ARID3B: variants seen among roughly 807,000 people sequenced by gnomAD.
ARID3B encodes the protein AT-rich interaction domain 3B.
ARID3B carries 10 observed loss-of-function variants against 51.9 expected under a neutral mutation model. The ratio of observed to expected loss-of-function variants is 0.19; its 90% CI spans 0.12 to 0.33. The LOEUF (loss-of-function observed/expected upper bound fraction) is 0.33. Among genes scored for constraint, ARID3B ranks in the 10% least tolerant of loss-of-function variants. The pLI, the probability that ARID3B is intolerant of heterozygous loss-of-function variation, is 1.00. For synonymous variants in ARID3B, 205 were observed against 279.5 expected (o/e 0.73, Z 2.66); for missense variants, 483 against 716.3 (o/e 0.67, Z 3.72).
chr15:74,563,297 G>C (rs2061685959), intron 2 of ARID3B, among the ~76,000 whole-genome samples: 1 of 152,168 alleles, frequency 6.6e-6, no homozygotes, highest in African/African-American at 2.4e-5. Flanking sequence ...GAAGCCTTAG[G>C]AGAAGCTCTG....
chr15:74,588,236 A>T (rs906719125), intron 4 of ARID3B, among the ~76,000 whole-genome samples: 7 of 130,592 alleles, frequency 5.4e-5, no homozygotes, highest in East Asian at 2.1e-4. Flanking sequence ...CCTATCTTTT[A>T]AAAAAAAAAA....
intron 8 of ARID3B, among the ~76,000 whole-genome samples, chr15:74,594,145 T>C (rs1243232829): frequency 6.6e-6 from 1 of 152,054 alleles, no homozygotes; most frequent in Non-Finnish European, 1.5e-5. Flanking sequence ...CAAGCCCACC[T>C]GACTCTTGTT....
intron 4 of ARID3B, among the ~76,000 whole-genome samples, chr15:74,575,184 A>G (rs976020563): frequency 1.3e-5 from 2 of 152,062 alleles, no homozygotes; most frequent in African/African-American, 2.4e-5. Context: ...TCCTGTCTCA[A>G]AGGGGCTGCC....
chr15:74,551,343 T>C (rs952179053), intron 2 of ARID3B, among the ~76,000 whole-genome samples: 1 of 152,234 alleles, frequency 6.6e-6, no homozygotes, highest in Admixed American at 6.5e-5. Context: ...GCTTAAACCA[T>C]GGCGCTTCTG....
In ARID3B at chr15:74,559,625, G is replaced by C. The variant is rs112591686; in HGVS notation, c.553-13237G>C. ...GCTGGCTAGTGAACCCAGGTGGTCT[G>C]ACTTCTAGCTCCATATTCCCTCTTG... On this transcript the variant is annotated intron_variant, in intron 2 of 8. Transcript: ENST00000346246. Among the ~76,000 whole-genome samples, 161 of 152,268 alleles carry C rather than the reference G, an allele frequency of 1.1e-3. 1 individual carries two copies. Among genetic ancestry groups the C allele is most frequent in the African/African-American group, 3.2e-3 (133 of 41,548 alleles).
rs2061826611 is a variant in ARID3B at position 74,596,656 on chromosome 15, G to T, written c.*882G>T. On this transcript the variant is annotated 3_prime_UTR_variant, in exon 9 of 9. Transcript: ENST00000346246. The stretch of plus-strand genomic sequence containing the variant: ...TCAGCCCTCTTCTATTTCTTATGGG[G>T]CCATCTTGGCCTCACCATCCCCACA... 1 of 233,510 alleles carries T rather than the reference G, an allele frequency of 4.3e-6. No homozygotes were observed. Among genetic ancestry groups the T allele is most frequent in the South Asian group, 1.8e-4 (1 of 5,538 alleles). 14.5% of individuals were successfully genotyped at this position (233,510 alleles called of 1,614,324 possible).
At chr15:74,594,253 C>T (rs752827496) in intron 8 of ARID3B, among the ~76,000 whole-genome samples, 3 of 152,100 alleles carry the variant, frequency 2.0e-5, no homozygotes, top group Admixed American at 6.5e-5. Flanking sequence ...TCGAGACCAT[C>T]CTGGCTAACA....
intron 2 of ARID3B, among the ~76,000 whole-genome samples, chr15:74,560,758 G>C (rs2061676750): frequency 6.6e-6 from 1 of 152,156 alleles, no homozygotes; most frequent in African/African-American, 2.4e-5. Flanking sequence ...ATGTGAGTGT[G>C]AATGTACTTG....
chr15:74,597,347 C>T lies in ARID3B; in HGVS notation c.*1573C>T, dbSNP rs2061831522. On this transcript the variant is annotated 3_prime_UTR_variant, in exon 9 of 9. Transcript: ENST00000346246. ...TGGCAGTGGGAGACACCGCGCGTGG[C>T]GTGGGTGTGTGTGGCAGCGTGGCTC... 3 of 421,564 alleles carry T rather than the reference C, an allele frequency of 7.1e-6. No homozygotes were observed. The highest frequency in any genetic ancestry group is 2.3e-5 in the South Asian group (1 of 43,738). 26.1% of individuals were successfully genotyped at this position (421,564 alleles called of 1,614,324 possible). A position where few individuals can be genotyped will look rare whatever the true frequency, so the allele number is the denominator to read the frequency against.
chr15:74,582,770 C>T (rs774554239), intron 4 of ARID3B, among the ~76,000 whole-genome samples: 2 of 152,258 alleles, frequency 1.3e-5, no homozygotes, highest in South Asian at 4.1e-4. Flanking sequence ...CTGAAAGATA[C>T]AGGTAAGCAT....
intron 2 of ARID3B, among the ~76,000 whole-genome samples, chr15:74,567,542 C>T (rs976388642): frequency 8.6e-5 from 13 of 151,888 alleles, no homozygotes; most frequent in African/African-American, 3.1e-4. Context: ...GTCTTTGCTT[C>T]TCAGGACAGA....
At chr15:74,585,941 A>G (rs1000515889) in intron 4 of ARID3B, among the ~76,000 whole-genome samples, 1 of 152,242 alleles carries the variant, frequency 6.6e-6, no homozygotes. Context: ...AGCCCTCGGC[A>G]TAGCCTCCGC....
At chr15:74,584,207 A>G (rs1314324785) in intron 4 of ARID3B, among the ~76,000 whole-genome samples, 3 of 152,180 alleles carry the variant, frequency 2.0e-5, no homozygotes, top group African/African-American at 7.2e-5. Flanking sequence ...AGTTGCCAGT[A>G]TCTGTTGTGA....
chr15:74,560,782 A>C (rs976767462), intron 2 of ARID3B, among the ~76,000 whole-genome samples: 6 of 152,170 alleles, frequency 3.9e-5, no homozygotes, highest in Non-Finnish European at 7.4e-5. Flanking sequence ...ATGTGTGTGT[A>C]GTATGTGTAA....
At position 74,595,942 on chromosome 15, in the gene ARID3B, C is replaced by T; in HGVS notation, c.*168C>T. Reference sequence around the variant, plus strand: ...CAGGCTCCATTCAGGTCCTGCTGTACTCTGGGGGCAGGGAGAGGCTAGAGG... The same window carrying T: ...CAGGCTCCATTCAGGTCCTGCTGTATTCTGGGGGCAGGGAGAGGCTAGAGG... On this transcript the variant is annotated 3_prime_UTR_variant, in exon 9 of 9. Coordinates refer to ENST00000346246, the MANE Select transcript of ARID3B (RefSeq NM_006465.4). 1.3e-6 allele frequency: 1 copy of T among 792,116 alleles called. No individual in the cohort carries two copies. The highest frequency in any genetic ancestry group is 2.0e-5 in the South Asian group (1 of 50,576). The allele number at this position is 792,116 out of a possible 1,614,324, so 49.1% of individuals were successfully genotyped here. A position where few individuals can be genotyped will look rare whatever the true frequency, so the allele number is the denominator to read the frequency against.
intron 2 of ARID3B, among the ~76,000 whole-genome samples, chr15:74,565,733 T>TTG (rs1177412928): frequency 6.7e-6 from 1 of 149,244 alleles, no homozygotes; most frequent in African/African-American, 2.5e-5. Flanking sequence ...TTGTTTTTTT[T>TTG]GTTTTTTTTT....
chr15:74,588,956 G>A (rs1299760209), intron 4 of ARID3B, among the ~76,000 whole-genome samples: 1 of 149,094 alleles, frequency 6.7e-6, no homozygotes, highest in Non-Finnish European at 1.5e-5. Context: ...GCACACGAGA[G>A]AGAAATAAAC....
chr15:74,545,308 T>C (rs901070168), intron 2 of ARID3B, among the ~76,000 whole-genome samples: 3 of 152,236 alleles, frequency 2.0e-5, no homozygotes, highest in African/African-American at 4.8e-5. Context: ...TGATTTCATT[T>C]CACTCTTACA....
chr15:74,587,624 A>C (rs1439169595), intron 4 of ARID3B, among the ~76,000 whole-genome samples: 1 of 152,016 alleles, frequency 6.6e-6, no homozygotes, highest in Non-Finnish European at 1.5e-5. Context: ...CCTCTCAGAC[A>C]CTCCAGGTAA....
Sources: gnomAD v4.1 joint callset for allele counts (sites outside exome capture counted in the v4.1 genomes callset) on GRCh38, gnomAD v4.1.1 for gene constraint, MANE v1.5 for transcripts, NCBI Gene and HGNC (gene_info 2026-07-23, HGNC 2026-07-21) for gene names.